The following PTPRG variants were observed in gnomAD, a reference collection of about 807,000 sequenced individuals.
PTPRG encodes the protein receptor-type tyrosine-protein phosphatase gamma.
PTPRG carries 102 observed loss-of-function variants against 165.3 expected under a neutral mutation model. The ratio of observed to expected loss-of-function variants is 0.62; its 90% CI spans 0.53 to 0.73. PTPRG has a LOEUF of 0.73. Among genes scored for constraint, PTPRG ranks in the 30% least tolerant of loss-of-function variants. The probability of loss-of-function intolerance (pLI) is 0.00; values close to 1 mark genes in which losing one functional copy is unlikely to be tolerated. For missense variants in PTPRG, 1,866 were observed against 1,861.4 expected, an observed-to-expected ratio of 1.00 and a Z score of -0.05; for synonymous variants, 675 against 669.5, an observed-to-expected ratio of 1.01 and a Z score of -0.13.
At chr3:61,831,464 G>T (rs774344048) in intron 2 of PTPRG, among the ~76,000 whole-genome samples, 7 of 152,052 alleles carry the variant, frequency 4.6e-5, no homozygotes, top group African/African-American at 7.2e-5. Flanking sequence ...GGTGACACCT[G>T]TTTTTTTGTT....
At chr3:61,708,769 T>G (rs2031397257) in intron 1 of PTPRG, among the ~76,000 whole-genome samples, 1 of 152,166 alleles carries the variant, frequency 6.6e-6, no homozygotes, top group African/African-American at 2.4e-5. Context: ...CTGCAAATCT[T>G]AAATTGAGCA....
intron 5 of PTPRG, among the ~76,000 whole-genome samples, chr3:62,123,816 C>G (rs1703173965): frequency 6.6e-6 from 1 of 152,030 alleles, no homozygotes; most frequent in Non-Finnish European, 1.5e-5. Context: ...GACCAAAAGA[C>G]TTCATTTAAG....
chr3:61,913,341 TCCCGAGTAGCTGGGACTACAGGTG>T (rs2038849973), intron 2 of PTPRG, among the ~76,000 whole-genome samples: 1 of 152,126 alleles, frequency 6.6e-6, no homozygotes, highest in African/African-American at 2.4e-5. Flanking sequence ...TGCCTCAGCC[TCCCGAGTAGCTGGGACTACAGGTG>T]CCCGCCACCA....
chr3:61,657,954 G>C (rs1430742046), intron 1 of PTPRG, among the ~76,000 whole-genome samples: 1 of 152,066 alleles, frequency 6.6e-6, no homozygotes, highest in Non-Finnish European at 1.5e-5. Flanking sequence ...TGCTGCTGTG[G>C]GTGACATGAG....
intron 2 of PTPRG, among the ~76,000 whole-genome samples, chr3:61,752,053 C>T (rs944815675): frequency 2.0e-5 from 3 of 151,944 alleles, no homozygotes; most frequent in Non-Finnish European, 4.4e-5. Context: ...GTTAATATTA[C>T]TTCTTGCTTA....
chr3:61,581,663 G>A (rs1235317096), intron 1 of PTPRG, among the ~76,000 whole-genome samples: 5 of 149,938 alleles, frequency 3.3e-5, no homozygotes, highest in East Asian at 3.9e-4. Context: ...AGGCTGGAGC[G>A]CAGTGGCACA....
chr3:61,896,855 C>G (rs780169411), intron 2 of PTPRG, among the ~76,000 whole-genome samples: 34 of 151,990 alleles, frequency 2.2e-4, no homozygotes, highest in Non-Finnish European at 3.4e-4. Flanking sequence ...TATTTGCTAT[C>G]TGTATGTCGT....
intron 1 of PTPRG, among the ~76,000 whole-genome samples, chr3:61,676,215 T>C (rs942852778): frequency 1.3e-5 from 2 of 151,862 alleles, no homozygotes; most frequent in Non-Finnish European, 2.9e-5. Flanking sequence ...CCCAGCACTT[T>C]GGGAGGCTGA....
chr3:61,582,581 T>C (rs1056062810), intron 1 of PTPRG, among the ~76,000 whole-genome samples: 2 of 152,178 alleles, frequency 1.3e-5, no homozygotes, highest in African/African-American at 4.8e-5. Flanking sequence ...ATGTTAACTT[T>C]AACCATGTAT....
chr3:61,843,302 G>T (rs1322216291), intron 2 of PTPRG, among the ~76,000 whole-genome samples: 2 of 152,186 alleles, frequency 1.3e-5, no homozygotes, highest in Non-Finnish European at 1.5e-5. Flanking sequence ...AATAAAGTTG[G>T]TATTTAAAAC....
chr3:61,852,015 T>C (rs544670097), intron 2 of PTPRG, among the ~76,000 whole-genome samples: 2 of 152,328 alleles, frequency 1.3e-5, no homozygotes, highest in Admixed American at 6.5e-5. Context: ...TAATCTCTTA[T>C]GCAGCAATAG....
At chr3:62,206,713 G>A (rs1298926978) in intron 12 of PTPRG, among the ~76,000 whole-genome samples, 6 of 151,908 alleles carry the variant, frequency 3.9e-5, no homozygotes, top group South Asian at 2.1e-4. Flanking sequence ...AGGGTGGATC[G>A]CTTAAATCCA....
intron 6 of PTPRG, among the ~76,000 whole-genome samples, chr3:62,135,035 G>C (rs1703655361): frequency 6.6e-6 from 1 of 152,164 alleles, no homozygotes; most frequent in Admixed American, 6.5e-5. Flanking sequence ...AACTTTGGGA[G>C]GCTGAGGTGG....
intron 2 of PTPRG, among the ~76,000 whole-genome samples, chr3:61,846,363 AG>A (rs1262966379): frequency 6.6e-6 from 1 of 152,126 alleles, no homozygotes; most frequent in East Asian, 1.9e-4. Context: ...TGCAGGTCCT[AG>A]GGTGGTTTCT....
chr3:62,146,206 T>C (rs965280611), intron 6 of PTPRG, among the ~76,000 whole-genome samples: 1 of 152,232 alleles, frequency 6.6e-6, no homozygotes, highest in Non-Finnish European at 1.5e-5. Flanking sequence ...TCTTTGGAAA[T>C]ATTAATGTCA....
chr3:61,731,218 C>T (rs191327105), intron 1 of PTPRG, among the ~76,000 whole-genome samples: 1 of 152,150 alleles, frequency 6.6e-6, no homozygotes, highest in Non-Finnish European at 1.5e-5. Context: ...AAGTAGAGTT[C>T]CCTTAAATTG....
At chr3:61,709,656 A>T (rs2031451153) in intron 1 of PTPRG, among the ~76,000 whole-genome samples, 1 of 152,138 alleles carries the variant, frequency 6.6e-6, no homozygotes, top group Non-Finnish European at 1.5e-5. Flanking sequence ...ATACCTACCT[A>T]ATCTTGACTT....
chr3:62,070,560 C>T (rs529298778), intron 4 of PTPRG, among the ~76,000 whole-genome samples: 6 of 152,228 alleles, frequency 3.9e-5, no homozygotes, highest in Non-Finnish European at 7.3e-5. Context: ...TGCGTGCATA[C>T]ATCTTTCTGT....
intron 2 of PTPRG, among the ~76,000 whole-genome samples, chr3:61,860,932 G>A (rs1317137933): frequency 2.6e-5 from 4 of 152,056 alleles, no homozygotes; most frequent in Non-Finnish European, 4.4e-5. Flanking sequence ...AGCACCACAG[G>A]CAGGGTTGCC....
Sources: gnomAD v4.1 joint callset for allele counts (sites outside exome capture counted in the v4.1 genomes callset) on GRCh38, gnomAD v4.1.1 for gene constraint, MANE v1.5 for transcripts, NCBI Gene and HGNC (gene_info 2026-07-23, HGNC 2026-07-21) for gene names.